SEPTIN6: variants seen among roughly 807,000 people sequenced by gnomAD.
The protein encoded by SEPTIN6 is septin 6.
A neutral mutation model predicts 33.6 loss-of-function variants in SEPTIN6; 8 were observed. The observed-to-expected ratio is 0.24, with a 90% CI of 0.14 to 0.43. SEPTIN6 has a LOEUF of 0.43. Among genes scored for constraint, SEPTIN6 ranks in the 20% least tolerant of loss-of-function variants. The pLI is 1.00. For synonymous variants in SEPTIN6, 131 were observed against 140.0 expected (o/e 0.94, Z 0.45); for missense variants, 250 against 340.8 (o/e 0.73, Z 2.10).
chrX:119,664,672 T>A (rs777675986), intron 2 of SEPTIN6, among the ~76,000 whole-genome samples: 16 of 107,309 alleles, frequency 1.5e-4, no homozygotes, highest in Non-Finnish European at 2.3e-4. Context: ...TACCAAAAAA[T>A]ATATATATAC....
Position 119,681,480 on chromosome X carries a change from C to A in SEPTIN6, c.31-5812G>T, listed in dbSNP as rs145873946. On this transcript the variant is annotated intron_variant, in intron 1 of 10. Transcript: ENST00000394610. Reference sequence around the variant, plus strand: ...AAAGTCACCATTTTAAATTGCACTTCTCTCATAACCCTGCAACCTCCTCTC... The same window carrying A: ...AAAGTCACCATTTTAAATTGCACTTATCTCATAACCCTGCAACCTCCTCTC... Among the ~76,000 whole-genome samples the A allele has an allele frequency of 3.6e-3, 403 of 110,969 alleles. 3 individuals carry two copies. Among genetic ancestry groups the A allele is most frequent in the African/African-American group, 0.012 (352 of 30,566 alleles).
intron 5 of SEPTIN6, 147 bp from the exon 6 acceptor site, chrX:119,640,935 T>C (rs2054151153): frequency 2.2e-6 from 1 of 460,135 alleles, no homozygotes; most frequent in Non-Finnish European, 3.8e-6. Flanking sequence ...ATTTATTAAG[T>C]TCCCAAACCA....
intron 10 of SEPTIN6, among the ~76,000 whole-genome samples, chrX:119,621,800 T>TAAA (rs66515149): frequency 1.5e-4 from 13 of 87,388 alleles, no homozygotes; most frequent in African/African-American, 3.8e-4. Context: ...CCAACTCTCT[T>TAAA]AAAAAAAAAA....
chrX:119,684,137 G>T lies in SEPTIN6; in HGVS notation c.31-8469C>A, dbSNP rs1169132645. 6.3e-5 allele frequency among the ~76,000 whole-genome samples: 7 copies of T among 110,464 alleles called. No individual in the cohort carries two copies. In the Admixed American group the frequency reaches 6.8e-4, roughly 11 times the overall value. On this transcript the variant is annotated intron_variant, in intron 1 of 10. Coordinates refer to ENST00000394610, the MANE Select transcript of SEPTIN6 (RefSeq NM_145799.4). ...GTATTTTTAGTTTAGTAGAGATGGG[G>T]TTTCACCATGTTGGCCAGGCTGGTC...
intron 1 of SEPTIN6, among the ~76,000 whole-genome samples, chrX:119,689,594 AG>A (rs1215586999): frequency 1.8e-5 from 2 of 111,124 alleles, no homozygotes; most frequent in Non-Finnish European, 3.8e-5. Context: ...TCACACCCTC[AG>A]CCTCCACAGT....
intron 1 of SEPTIN6, among the ~76,000 whole-genome samples, chrX:119,685,070 T>C (rs1437252107): frequency 8.9e-6 from 1 of 111,956 alleles, no homozygotes; most frequent in Non-Finnish European, 1.9e-5. Context: ...AGGCCCATTT[T>C]TGGCAAATCC....
At chrX:119,679,419 A>G (rs1468090837) in intron 1 of SEPTIN6, among the ~76,000 whole-genome samples, 1 of 111,441 alleles carries the variant, frequency 9.0e-6, no homozygotes, top group African/African-American at 3.3e-5. Context: ...AGAGACTAGG[A>G]GCAGGAAGAC....
chrX:119,622,696 G>A (rs930306744), intron 10 of SEPTIN6, among the ~76,000 whole-genome samples: 21 of 112,501 alleles, frequency 1.9e-4, no homozygotes, highest in Admixed American at 4.7e-4. Context: ...GTCAAGCCAC[G>A]TGCAGTGAAA....
At chrX:119,668,602 G>A (rs1224802717) in intron 2 of SEPTIN6, among the ~76,000 whole-genome samples, 1 of 111,793 alleles carries the variant, frequency 8.9e-6, no homozygotes, top group Admixed American at 9.5e-5. Flanking sequence ...CCACTTACTA[G>A]CTGTGTAAAT....
chrX:119,627,020 A>G (rs1474648863), intron 9 of SEPTIN6, among the ~76,000 whole-genome samples: 1 of 112,240 alleles, frequency 8.9e-6, no homozygotes, highest in Non-Finnish European at 1.9e-5. Flanking sequence ...CATAAAGAGT[A>G]ATTGGATTGC....
intron 8 of SEPTIN6, 125 bp downstream of exon 8, chrX:119,633,233 CTG>C (rs1186732950): frequency 1.3e-5 from 8 of 624,270 alleles, no homozygotes; most frequent in Admixed American, 3.3e-5. Flanking sequence ...AATCACCACA[CTG>C]TCTTCCACAG....
At chrX:119,633,708 A>T (rs760265773) in intron 7 of SEPTIN6, among the ~76,000 whole-genome samples, 53 of 111,950 alleles carry the variant, frequency 4.7e-4, no homozygotes, top group Non-Finnish European at 9.0e-4. Flanking sequence ...AGTGAACTGG[A>T]GAGACTTAGA....
chrX:119,625,474 G>T, intron 9 of SEPTIN6, 95 bp from the exon 10 acceptor site: 1 of 825,947 alleles, frequency 1.2e-6, no homozygotes, highest in Non-Finnish European at 1.8e-6. Context: ...AGAGGTCAAA[G>T]GTGATTAGGA....
Position 119,618,498 on chromosome X carries a change from G to A in SEPTIN6, c.*1595C>T. The A allele has an allele frequency of 1.1e-6, 1 of 923,644 alleles. No homozygotes were observed. Among genetic ancestry groups the A allele is most frequent in the Non-Finnish European group, 1.3e-6 (1 of 745,440 alleles). 76.1% of individuals were successfully genotyped at this position (923,644 alleles called of 1,213,427 possible). The stretch of plus-strand genomic sequence containing the variant: ...AGGCCTGGAAATTTGGCATAACCTT[G>A]TTTGACTGTGTGCTTTGAAAGTAAG... On this transcript the variant is annotated 3_prime_UTR_variant, in exon 11 of 11. Coordinates refer to ENST00000394610, the MANE Select transcript of SEPTIN6 (RefSeq NM_145799.4).
chrX:119,652,496 G>T (rs758079527), intron 4 of SEPTIN6, among the ~76,000 whole-genome samples: 1 of 112,152 alleles, frequency 8.9e-6, no homozygotes, highest in East Asian at 2.8e-4. Context: ...TTGATAGCAA[G>T]AATAACTTTC....
At chrX:119,671,580 G>A (rs963359684) in intron 2 of SEPTIN6, among the ~76,000 whole-genome samples, 1 of 109,824 alleles carries the variant, frequency 9.1e-6, no homozygotes, top group Non-Finnish European at 1.9e-5. Flanking sequence ...GAGCCACCGC[G>A]CCTGGCCCTC....
intron 8 of SEPTIN6, among the ~76,000 whole-genome samples, chrX:119,631,909 C>T (rs1162916570): frequency 2.8e-5 from 3 of 108,582 alleles, no homozygotes; most frequent in African/African-American, 1.0e-4. Context: ...ACTACAGGTG[C>T]GTACCACCAC....
At chrX:119,673,641 C>T (rs1367687988) in intron 2 of SEPTIN6, among the ~76,000 whole-genome samples, 3 of 109,183 alleles carry the variant, frequency 2.7e-5, no homozygotes, top group East Asian at 2.9e-4. Flanking sequence ...CCGAGGTGGG[C>T]GGATCACTTG....
intron 7 of SEPTIN6, among the ~76,000 whole-genome samples, chrX:119,634,733 G>T (rs1056353103): frequency 2.1e-4 from 23 of 111,693 alleles, no homozygotes; most frequent in African/African-American, 7.5e-4. Context: ...TCTTGGCCAG[G>T]TGTGGTGGCT....
Sources: gnomAD v4.1 joint callset for allele counts (sites outside exome capture counted in the v4.1 genomes callset) on GRCh38, gnomAD v4.1.1 for gene constraint, MANE v1.5 for transcripts, NCBI Gene and HGNC (gene_info 2026-07-23, HGNC 2026-07-21) for gene names.